The following TAFA2 variants were observed in gnomAD, a reference collection of about 807,000 sequenced individuals.
TAFA2 encodes the protein chemokine-like protein TAFA-2.
Under a neutral mutation model 18.8 loss-of-function variants are expected in TAFA2, and 7 were observed. The observed-to-expected ratio is 0.37, with a 90% confidence interval of 0.21 to 0.70. TAFA2 has a LOEUF of 0.70. Among genes scored for constraint, TAFA2 ranks in the 30% least tolerant of loss-of-function variants. The pLI, the probability that TAFA2 is intolerant of heterozygous loss-of-function variation, is 0.53. For missense variants in TAFA2, 122 were observed against 158.1 expected (o/e 0.77, Z 1.23); for synonymous variants, 60 against 54.2 (o/e 1.11, Z -0.47).
At chr12:62,059,957 T>G (rs1367872142) in intron 1 of TAFA2, among the ~76,000 whole-genome samples, 1 of 152,260 alleles carries the variant, frequency 6.6e-6, no homozygotes, top group Non-Finnish European at 1.5e-5. Flanking sequence ...TCTCAAGTTT[T>G]TGAGGATCTG....
At position 62,207,678 on chromosome 12, in the gene TAFA2, G is replaced by T. The variant is rs931317614; in HGVS notation, c.-130+51085C>A. On this transcript the variant is annotated intron_variant, in intron 1 of 5. Coordinates refer to the TAFA2 transcript ENST00000551619. Reference sequence around the variant, plus strand: ...ACATCTGAACCACAGTGGTTCCTAGGGTACAGGGGATGTTCCACTTCTCCA... The same window carrying T: ...ACATCTGAACCACAGTGGTTCCTAGTGTACAGGGGATGTTCCACTTCTCCA... 2.6e-5 allele frequency among the ~76,000 whole-genome samples: 4 copies of T among 152,126 alleles called. No homozygotes were observed. In the East Asian group the frequency reaches 7.7e-4, roughly 29 times the overall value.
intron 1 of TAFA2, among the ~76,000 whole-genome samples, chr12:61,983,217 C>A (rs747872702): frequency 1.3e-5 from 2 of 152,130 alleles, no homozygotes; most frequent in Admixed American, 6.6e-5. Context: ...CATAAATCCA[C>A]TCTCTCATTT....
At chr12:61,905,463 G>C (rs1337940745) in intron 1 of TAFA2, among the ~76,000 whole-genome samples, 1 of 152,096 alleles carries the variant, frequency 6.6e-6, no homozygotes, top group Non-Finnish European at 1.5e-5. Flanking sequence ...TAAATTATTA[G>C]CTTACCCCCT....
intron 2 of TAFA2, among the ~76,000 whole-genome samples, chr12:61,856,762 C>T (rs1313057113): frequency 3.3e-5 from 5 of 151,784 alleles, no homozygotes; most frequent in East Asian, 1.9e-4. Context: ...TAGTAATTCC[C>T]GTACTACAAA....
intron 1 of TAFA2, among the ~76,000 whole-genome samples, chr12:62,202,293 G>C (rs2062674561): frequency 6.7e-6 from 1 of 149,944 alleles, no homozygotes; most frequent in Non-Finnish European, 1.5e-5. Flanking sequence ...GGGTTTGTTT[G>C]CCCTTGGTTT....
intron 1 of TAFA2, among the ~76,000 whole-genome samples, chr12:61,876,976 T>G (rs1202759751): frequency 6.6e-6 from 1 of 152,196 alleles, no homozygotes; most frequent in African/African-American, 2.4e-5. Flanking sequence ...TCCTTATATG[T>G]GTTTGATAGT....
intron 2 of TAFA2, among the ~76,000 whole-genome samples, chr12:61,783,056 C>T (rs1870572252): frequency 6.6e-6 from 1 of 151,554 alleles, no homozygotes; most frequent in Non-Finnish European, 1.5e-5. Flanking sequence ...ACATACTTTA[C>T]ATACTTAGTT....
At chr12:61,912,284 A>G (rs1876641989) in intron 1 of TAFA2, among the ~76,000 whole-genome samples, 4 of 152,174 alleles carry the variant, frequency 2.6e-5, no homozygotes, top group Admixed American at 2.6e-4. Context: ...TTCTCATTCT[A>G]TATTTGTGCT....
At chr12:61,961,224 G>A (rs1260247578) in intron 1 of TAFA2, among the ~76,000 whole-genome samples, 2 of 132,004 alleles carry the variant, frequency 1.5e-5, no homozygotes, top group Non-Finnish European at 3.7e-5. Context: ...AGAACACAAG[G>A]GGGGAAATCC....
intron 1 of TAFA2, among the ~76,000 whole-genome samples, chr12:62,217,934 A>G (rs2136976820): frequency 6.6e-6 from 1 of 152,122 alleles, no homozygotes; most frequent in Middle Eastern, 3.4e-3. Flanking sequence ...TTTCAAAACT[A>G]ATGCTGATTG....
chr12:61,930,167 T>A (rs955625898), intron 1 of TAFA2, among the ~76,000 whole-genome samples: 2 of 151,740 alleles, frequency 1.3e-5, no homozygotes, highest in African/African-American at 4.8e-5. Context: ...AAAAAATAAA[T>A]AAATAAAAAG....
chr12:62,119,146 A>T (rs899477992), intron 1 of TAFA2, among the ~76,000 whole-genome samples: 4 of 152,148 alleles, frequency 2.6e-5, no homozygotes, highest in Non-Finnish European at 5.9e-5. Flanking sequence ...TCATGTTTTC[A>T]TAGACATTTA....
chr12:62,188,197 G>T (rs944056353), intron 1 of TAFA2, among the ~76,000 whole-genome samples: 3 of 152,174 alleles, frequency 2.0e-5, no homozygotes, highest in Non-Finnish European at 4.4e-5. Context: ...CAAAGGGGAT[G>T]ACGGCTTGGA....
intron 2 of TAFA2, among the ~76,000 whole-genome samples, chr12:61,808,286 G>A (rs1871709884): frequency 6.6e-6 from 1 of 151,538 alleles, no homozygotes; most frequent in African/African-American, 2.5e-5. Flanking sequence ...GCCACCATGT[G>A]AGACATGCCT....
At chr12:62,245,170 GA>G (rs1201401927) in intron 1 of TAFA2, among the ~76,000 whole-genome samples, 37 of 152,002 alleles carry the variant, frequency 2.4e-4, no homozygotes, top group Non-Finnish European at 8.8e-5. Context: ...TGTTTGATAT[GA>G]AATCAAAATT....
At chr12:61,802,863 G>A (rs1424080576) in intron 2 of TAFA2, among the ~76,000 whole-genome samples, 1 of 151,830 alleles carries the variant, frequency 6.6e-6, no homozygotes, top group East Asian at 1.9e-4. Context: ...CCATAAATAT[G>A]TGCAATTATT....
intron 1 of TAFA2, among the ~76,000 whole-genome samples, chr12:61,997,661 A>T (rs2136696783): frequency 6.6e-6 from 1 of 152,294 alleles, no homozygotes; most frequent in South Asian, 2.1e-4. Context: ...AACCAAGGAG[A>T]TCAGTGAGAA....
intron 2 of TAFA2, among the ~76,000 whole-genome samples, chr12:61,865,361 A>G (rs1441503520): frequency 6.6e-6 from 1 of 152,236 alleles, no homozygotes; most frequent in Non-Finnish European, 1.5e-5. Flanking sequence ...TTTTATGTGT[A>G]AAATAGCTCA....
intron 1 of TAFA2, among the ~76,000 whole-genome samples, chr12:62,155,027 G>A (rs2464111): frequency 0.96 from 146,290 of 152,192 alleles, 70,569 homozygotes; most frequent in East Asian, 1. Flanking sequence ...AGACAATGTG[G>A]TCATTTACCT....
Sources: allele counts gnomAD v4.1 joint callset (sites outside exome capture counted in the v4.1 genomes callset), GRCh38; gene constraint gnomAD v4.1.1; transcripts MANE v1.5; gene names NCBI Gene and HGNC (gene_info 2026-07-23, HGNC 2026-07-21).